Variants in SAMTOR observed in about 807,000 individuals in gnomAD.
SAMTOR encodes the protein S-adenosylmethionine sensor upstream of mTORC1.
chr7:112,930,642 G>A, the SAMTOR span, among the ~76,000 whole-genome samples: 52 of 152,146 alleles, frequency 3.4e-4, no homozygotes, highest in Non-Finnish European at 4.9e-4. Context: ...GTCCTTAAAT[G>A]CATTGAAGCA....
the SAMTOR span, among the ~76,000 whole-genome samples, chr7:112,887,159 G>A: frequency 6.6e-6 from 1 of 151,798 alleles, no homozygotes; most frequent in Non-Finnish European, 1.5e-5. Flanking sequence ...GCTACAGAGC[G>A]AGACTCCATC....
chr7:112,821,354 C>T, the SAMTOR span: 22 of 155,492 alleles, frequency 1.4e-4, no homozygotes, highest in Non-Finnish European at 2.9e-4. Context: ...TGTGAGTCAT[C>T]AAAGTGCAAT....
chr7:112,923,800 C>T, the SAMTOR span, among the ~76,000 whole-genome samples: 4 of 152,062 alleles, frequency 2.6e-5, no homozygotes, highest in African/African-American at 9.7e-5. Context: ...ACCCAAATGT[C>T]CAACAATGAC....
the SAMTOR span, among the ~76,000 whole-genome samples, chr7:112,855,526 G>A: frequency 6.6e-6 from 1 of 152,098 alleles, no homozygotes; most frequent in East Asian, 1.9e-4. Flanking sequence ...AGTTTAGCGT[G>A]GATGTAGGAC....
the SAMTOR span, among the ~76,000 whole-genome samples, chr7:112,865,072 A>G: frequency 2.0e-5 from 3 of 152,142 alleles, no homozygotes; most frequent in Non-Finnish European, 4.4e-5. Context: ...TCTGTATTTC[A>G]AAGATGGCTT....
At chr7:112,924,857 G>GT in the SAMTOR span, among the ~76,000 whole-genome samples, 3 of 151,024 alleles carry the variant, frequency 2.0e-5, no homozygotes, top group South Asian at 2.1e-4. Context: ...TCCTATTAAT[G>GT]TTTTTTTCCA....
chr7:112,899,789 G>GAAAAAAAAAAAAAAAGAAAAAAAA, the SAMTOR span, among the ~76,000 whole-genome samples: 1 of 113,388 alleles, frequency 8.8e-6, no homozygotes, highest in Non-Finnish European at 1.7e-5. Flanking sequence ...TGTGCTGAAG[G>GAAAAAAAAAAAAAAAGAAAAAAAA]AAAAAAAAAA....
At chr7:112,919,991 T>C in the SAMTOR span, among the ~76,000 whole-genome samples, 1 of 152,058 alleles carries the variant, frequency 6.6e-6, no homozygotes, top group Non-Finnish European at 1.5e-5. Flanking sequence ...CAGGACCAGA[T>C]GGATTCACAG....
the SAMTOR span, among the ~76,000 whole-genome samples, chr7:112,912,969 T>TG: frequency 4.6e-5 from 7 of 152,138 alleles, no homozygotes; most frequent in Non-Finnish European, 8.8e-5. Context: ...TAATAGTAAT[T>TG]TAAAAGCACT....
the SAMTOR span, among the ~76,000 whole-genome samples, chr7:112,827,254 G>A: frequency 1.3e-5 from 2 of 152,178 alleles, 1 homozygote; most frequent in Admixed American, 1.3e-4. Context: ...TTCAATTGGG[G>A]CATTTAGGCC....
At chr7:112,919,241 AAACT>A in the SAMTOR span, among the ~76,000 whole-genome samples, 7 of 152,200 alleles carry the variant, frequency 4.6e-5, no homozygotes, top group African/African-American at 1.7e-4. Flanking sequence ...AAATTACAAC[AAACT>A]GTCTCTCAGA....
chr7:112,838,044 G>T, the SAMTOR span, among the ~76,000 whole-genome samples: 1 of 151,876 alleles, frequency 6.6e-6, no homozygotes, highest in East Asian at 1.9e-4. Flanking sequence ...TAAAAGCAAA[G>T]ACATCAACAA....
At chr7:112,927,469 A>G in the SAMTOR span, among the ~76,000 whole-genome samples, 1 of 152,210 alleles carries the variant, frequency 6.6e-6, no homozygotes, top group South Asian at 2.1e-4. Flanking sequence ...TAGCCTTATG[A>G]TTTATTTTAA....
At chr7:112,915,812 A>C in the SAMTOR span, among the ~76,000 whole-genome samples, 56 of 152,336 alleles carry the variant, frequency 3.7e-4, no homozygotes, top group Non-Finnish European at 4.9e-4. Context: ...GGTAAGAAAC[A>C]ATTACAGCTG....
the SAMTOR span, among the ~76,000 whole-genome samples, chr7:112,919,378 T>C: frequency 1.3e-5 from 2 of 152,058 alleles, no homozygotes; most frequent in African/African-American, 2.4e-5. Context: ...AAGGCAGAAA[T>C]AAAGATGTTC....
At chr7:112,863,366 A>T in the SAMTOR span, among the ~76,000 whole-genome samples, 2 of 152,226 alleles carry the variant, frequency 1.3e-5, no homozygotes, top group Admixed American at 1.3e-4. Flanking sequence ...TTCAGGACAT[A>T]AGCAAAGGCA....
the SAMTOR span, among the ~76,000 whole-genome samples, chr7:112,870,935 A>G: frequency 3.3e-3 from 510 of 152,264 alleles, 24 homozygotes; most frequent in East Asian, 0.087. Flanking sequence ...AGCACAGAGA[A>G]GGGCACTACA....
the SAMTOR span, among the ~76,000 whole-genome samples, chr7:112,832,883 T>C: frequency 6.6e-6 from 1 of 152,164 alleles, no homozygotes; most frequent in Non-Finnish European, 1.5e-5. Flanking sequence ...AAAATATTCA[T>C]TTATTAGACT....
chr7:112,872,094 G>A, the SAMTOR span, among the ~76,000 whole-genome samples: 1 of 152,018 alleles, frequency 6.6e-6, no homozygotes, highest in East Asian at 1.9e-4. Context: ...CAAAAAAATC[G>A]AGGAGGAGGA....
Sources: allele counts gnomAD v4.1 joint callset (sites outside exome capture counted in the v4.1 genomes callset), GRCh38; gene constraint gnomAD v4.1.1; transcripts MANE v1.5; gene names NCBI Gene and HGNC (gene_info 2026-07-23, HGNC 2026-07-21).